Variants in PLEKHG6 observed in about 807,000 individuals in gnomAD.
The protein encoded by PLEKHG6 is pleckstrin homology and RhoGEF domain containing G6.
A neutral mutation model predicts 97.5 loss-of-function variants in PLEKHG6; 91 were observed. The observed-to-expected ratio is 0.93, with a 90% CI of 0.79 to 1.11. The LOEUF is 1.11. PLEKHG6 is among the 50% of genes most tolerant of loss of function. The pLI is 0.00. For missense variants in PLEKHG6, 1,044 were observed against 1,031.0 expected (o/e 1.01, Z -0.17); for synonymous variants, 466 against 425.5 (o/e 1.10, Z -1.17).
Position 6,327,411 on chromosome 12 carries a change from CA to C in PLEKHG6, c.1831del (p.Arg611GlufsTer44). The C allele has an allele frequency of 6.2e-7, 1 of 1,614,156 alleles. No homozygotes were observed. The highest frequency in any genetic ancestry group is 8.5e-7 in the Non-Finnish European group (1 of 1,180,018). ...GSRSPLSRLR[Q>X]RALRRDPRLT... ...CCGCTCCCCACTGAGCCGTCTACGC[CA>C]AAGAGCCCTTCGGCGGGACCCTCGC... On this transcript the variant is annotated frameshift_variant, in exon 15 of 16. Coordinates refer to ENST00000684764, the MANE Select transcript of PLEKHG6 (RefSeq NM_001384598.1). LOFTEE classifies it high-confidence loss of function.
chr12:6,328,371 C>G lies in PLEKHG6; in HGVS notation c.*226C>G. On this transcript the variant is annotated 3_prime_UTR_variant, in exon 16 of 16. Transcript: ENST00000684764. ...AAAGTTGTGCATAAAAATGACTGCC[C>G]TGGCTGGGCATGGCTGCCTGTAATC... is the stretch of plus-strand genomic sequence containing the variant. 1.9e-6 allele frequency: 1 copy of G among 522,332 alleles called. No homozygotes were observed. The highest frequency in any genetic ancestry group is 3.4e-6 in the Non-Finnish European group (1 of 294,490). The allele number at this position is 522,332 out of a possible 1,614,324, so 32.4% of individuals were successfully genotyped here.
chr12:6,322,993 A>G (rs1947750593), intron 13 of PLEKHG6, among the ~76,000 whole-genome samples: 1 of 152,212 alleles, frequency 6.6e-6, no homozygotes, highest in Non-Finnish European at 1.5e-5. Context: ...CCAACTCCCC[A>G]GGATAGCCAG....
At chr12:6,321,219 T>C (rs951095243) in intron 13 of PLEKHG6, among the ~76,000 whole-genome samples, 1 of 151,956 alleles carries the variant, frequency 6.6e-6, no homozygotes, top group Non-Finnish European at 1.5e-5. Flanking sequence ...ACAGGGTCTT[T>C]CCATGTTGTC....
At chr12:6,322,634 C>A (rs1414849337) in intron 13 of PLEKHG6, among the ~76,000 whole-genome samples, 2 of 152,204 alleles carry the variant, frequency 1.3e-5, no homozygotes, top group African/African-American at 4.8e-5. Context: ...AATCCCAGCA[C>A]TTTGAGAGGC....
chr12:6,325,658 G>A (rs1947835897), intron 13 of PLEKHG6, among the ~76,000 whole-genome samples: 2 of 152,212 alleles, frequency 1.3e-5, no homozygotes, highest in Admixed American at 6.5e-5. Context: ...AGAGGCCCAG[G>A]TGGTAGGAGA....
chr12:6,313,735 G>C lies in PLEKHG6; in HGVS notation c.245G>C (p.Arg82Thr), dbSNP rs149635039. The C allele has an allele frequency of 8.7e-6, 14 of 1,609,716 alleles. No individual in the cohort carries two copies. Among genetic ancestry groups the C allele is most frequent in the Non-Finnish European group, 1.2e-5 (14 of 1,178,198 alleles). ...MRLRDPEPEK[R>T]HGGHVGAGLL... is the part of the protein sequence containing the mutation. ...CTGCGAGATCCAGAGCCCGAGAAGA[G>C]GCACGGGGGCCATGTGGGGGCTGGC... The change falls in exon 3 of 16, where the codon AGG (arginine) becomes ACG (threonine). Residue 82 changes from arginine (R) to threonine (T), a missense_variant. Arg to Thr is a moderately conservative substitution (Grantham distance 71, BLOSUM62 -1). Transcript: ENST00000684764.
In PLEKHG6 at chr12:6,317,546, G is replaced by C. The variant is rs1403684978; in HGVS notation, c.868-1G>C. The C allele has an allele frequency of 1.2e-6, 2 of 1,613,536 alleles. No individual in the cohort carries two copies. The highest frequency in any genetic ancestry group is 2.2e-5 in the South Asian group (2 of 91,030). On this transcript the variant is annotated splice_acceptor_variant, in intron 8 of 15. Coordinates refer to ENST00000684764, the MANE Select transcript of PLEKHG6 (RefSeq NM_001384598.1). LOFTEE classifies it high-confidence loss of function. ...CTGAGCCCCACCCACCTTCCCTGCA[G>C]TGGTGTGAGAAGCACAAGCGCTCTG...
intron 3 of PLEKHG6, among the ~76,000 whole-genome samples, chr12:6,314,422 G>A (rs983435609): frequency 2.6e-5 from 4 of 152,068 alleles, no homozygotes; most frequent in Admixed American, 6.6e-5. Flanking sequence ...CAGGAGAATC[G>A]CTTGAACCCG....
chr12:6,315,410 C>T lies in PLEKHG6; in HGVS notation c.460-144C>T, dbSNP rs1455099251. The T allele has an allele frequency of 5.9e-6, 4 of 672,562 alleles. No homozygotes were observed. The highest frequency in any genetic ancestry group is 4.0e-5 in the South Asian group (2 of 49,384). 41.7% of individuals were successfully genotyped at this position (672,562 alleles called of 1,614,324 possible). ...AGTGGGGATAATACCACCTACACAT[C>T]AGAGCACTGGTTTGAGGATTAAAAG... On this transcript the variant is annotated intron_variant, in intron 4 of 15. Transcript: ENST00000684764. This position sits in a 1 kb window ranked among gnomAD's most constrained non-coding sequence, Gnocchi z 4.5.
intron 11 of PLEKHG6, 149 bp from the exon 12 acceptor site, chr12:6,318,596 T>A: frequency 8.8e-7 from 1 of 1,134,216 alleles, no homozygotes; most frequent in Non-Finnish European, 1.3e-6. Flanking sequence ...GTGAGAGATG[T>A]GACCAAAGCG....
chr12:6,312,821 C>T (rs1947321462), intron 2 of PLEKHG6: 1 of 1,247,734 alleles, frequency 8.0e-7, no homozygotes, highest in Non-Finnish European at 1.0e-6. Context: ...CTTGGCTCCA[C>T]CCCTGGCTCC....
chr12:6,316,193 A>T lies in PLEKHG6; in HGVS notation c.607-62A>T. The T allele has an allele frequency of 6.8e-7, 1 of 1,466,214 alleles. No individual in the cohort carries two copies. Among genetic ancestry groups the T allele is most frequent in the Non-Finnish European group, 9.1e-7 (1 of 1,096,530 alleles). The allele number at this position is 1,466,214 out of a possible 1,614,324, so 90.8% of individuals were successfully genotyped here. A position where few individuals can be genotyped will look rare whatever the true frequency, so the allele number is the denominator to read the frequency against. Reference sequence around the variant, plus strand: ...AAGCTTAAGGTCCTCACCTTTCCTCAGCCAGTGCCACCCCTGGGGACCTTC... The same window carrying T: ...AAGCTTAAGGTCCTCACCTTTCCTCTGCCAGTGCCACCCCTGGGGACCTTC... On this transcript the variant is annotated intron_variant, in intron 6 of 15. Coordinates refer to ENST00000684764, the MANE Select transcript of PLEKHG6 (RefSeq NM_001384598.1). The surrounding 1 kb of genome is among the most constrained non-coding windows in gnomAD (Gnocchi z 4.1).
chr12:6,326,406 T>C (rs765080066), intron 13 of PLEKHG6, 22 bp from the exon 14 acceptor site: 13 of 1,605,858 alleles, frequency 8.1e-6, no homozygotes, highest in South Asian at 4.4e-5. Flanking sequence ...GAGCTCTTAA[T>C]AACGAAAGTG....
intron 13 of PLEKHG6, among the ~76,000 whole-genome samples, chr12:6,323,617 G>A (rs1197637281): frequency 6.6e-6 from 1 of 152,192 alleles, no homozygotes; most frequent in Non-Finnish European, 1.5e-5. Flanking sequence ...AGAGCCGTCA[G>A]AGATGGCGAC....
At position 6,327,875 on chromosome 12, in the gene PLEKHG6, G is replaced by T. The variant is rs772218739; in HGVS notation, c.2292G>T (p.Lys764Asn). The T allele has an allele frequency of 6.7e-7, 1 of 1,496,562 alleles. No individual in the cohort carries two copies. The highest frequency in any genetic ancestry group is 2.3e-5 in the East Asian group (1 of 43,038). The allele number at this position is 1,496,562 out of a possible 1,614,324, so 92.7% of individuals were successfully genotyped here. Reference sequence around the variant, plus strand: ...AGCCCCGGGACAGCAGGCCACGGAAGCTGACTCGGGCCCAGCTGCAGAGGA... The same window carrying T: ...AGCCCCGGGACAGCAGGCCACGGAATCTGACTCGGGCCCAGCTGCAGAGGA... ...AEEPRDSRPR[K>N]LTRAQLQRMR... is the part of the protein sequence containing the mutation. The change falls in exon 15 of 16, where the codon AAG becomes AAT. Residue 764 changes from lysine to asparagine, a missense_variant. By Grantham distance (94) the Lys-to-Asn change is moderately conservative. Transcript: ENST00000684764.
Position 6,318,489 on chromosome 12 carries a change from G to T in PLEKHG6, c.1275+69G>T. On this transcript the variant is annotated intron_variant, in intron 11 of 15. Coordinates refer to ENST00000684764, the MANE Select transcript of PLEKHG6 (RefSeq NM_001384598.1). ...GAGAAGGTAAGAGGCAGAAACGCCG[G>T]AAGTGGGAGAAGAGGGGTTTGGGGA... The T allele has an allele frequency of 2.0e-6, 3 of 1,518,528 alleles. No homozygotes were observed. The East Asian group carries it at 6.8e-5, about 34-fold the overall frequency. 94.1% of individuals were successfully genotyped at this position (1,518,528 alleles called of 1,614,324 possible).
At chr12:6,313,806 C>T (rs1380233568) in intron 3 of PLEKHG6, 22 bp downstream of exon 3, 1 of 1,538,120 alleles carries the variant, frequency 6.5e-7, no homozygotes, top group Admixed American at 2.1e-5. Flanking sequence ...CCTCTCCTCC[C>T]ATCCCCACAC....
At chr12:6,324,856 T>A (rs1262111206) in intron 13 of PLEKHG6, among the ~76,000 whole-genome samples, 1 of 152,156 alleles carries the variant, frequency 6.6e-6, no homozygotes, top group Non-Finnish European at 1.5e-5. Context: ...TACTTCAAGC[T>A]GGGGAGATAG....
At position 6,328,303 on chromosome 12, in the gene PLEKHG6, G is replaced by T. The variant is rs1268569811; in HGVS notation, c.*158G>T. Reference sequence around the variant, plus strand: ...GCCTCCTGCTCTGTTTGGGGATCAAGAACTGTAAATTTATGTATCATAGGT... The same window carrying T: ...GCCTCCTGCTCTGTTTGGGGATCAATAACTGTAAATTTATGTATCATAGGT... On this transcript the variant is annotated 3_prime_UTR_variant, in exon 16 of 16. Coordinates refer to ENST00000684764, the MANE Select transcript of PLEKHG6 (RefSeq NM_001384598.1). 4 of 665,212 alleles carry T rather than the reference G, an allele frequency of 6.0e-6. No homozygotes were observed. In the African/African-American group the frequency reaches 7.2e-5, roughly 12 times the overall value. 41.2% of individuals were successfully genotyped at this position (665,212 alleles called of 1,614,324 possible).
Sources: gnomAD v4.1 joint callset for allele counts (sites outside exome capture counted in the v4.1 genomes callset) on GRCh38, gnomAD v4.1.1 for gene constraint, Gnocchi (gnomAD v3.1) non-coding constraint, MANE v1.5 for transcripts, NCBI Gene and HGNC (gene_info 2026-07-23, HGNC 2026-07-21) for gene names.